The following PKD1L1 variants were observed in gnomAD, a reference collection of about 807,000 sequenced individuals.
PKD1L1 encodes polycystin 1 like 1, transient receptor potential channel interacting.
Under a neutral mutation model 323.4 loss-of-function variants are expected in PKD1L1, and 236 were observed. The ratio of observed to expected loss-of-function variants is 0.73; its 90% CI spans 0.66 to 0.81. The LOEUF is 0.81. PKD1L1 is among the 40% of genes least tolerant of loss of function. The probability of loss-of-function intolerance (pLI) is 0.00; values close to 1 mark genes in which losing one functional copy is unlikely to be tolerated. For synonymous variants in PKD1L1, 1,344 were observed against 1,335.0 expected, an observed-to-expected ratio of 1.01 and a Z score of -0.15; for missense variants, 3,320 against 3,508.0, an observed-to-expected ratio of 0.95 and a Z score of 1.35.
chr7:47,803,308 A>C lies in PKD1L1; in HGVS notation c.7864T>G (p.Phe2622Val). ...RWLRGILLFL[F>V]TLKCVYLPGI... is the part of the protein sequence containing the mutation. ...GGAAGATAGACGCATTTTAATGTGA[A>C]GAGGAATAAGAGGATTCCCCGGAGC... The change falls in exon 53 of 57, where the codon TTC becomes GTC. Residue 2622 changes from phenylalanine to valine, a missense_variant. Coordinates refer to ENST00000289672, the MANE Select transcript of PKD1L1 (RefSeq NM_138295.5). The C allele has an allele frequency of 6.2e-7, 1 of 1,614,140 alleles. No homozygotes were observed. Among genetic ancestry groups the C allele is most frequent in the Non-Finnish European group, 8.5e-7 (1 of 1,180,018 alleles).
rs774036379 is a variant in PKD1L1, at chr7:47,885,878, G to A, written c.3013C>T (p.Pro1005Ser). The A allele has an allele frequency of 1.9e-6, 3 of 1,614,198 alleles. No individual in the cohort carries two copies. Among genetic ancestry groups the A allele is most frequent in the South Asian group, 2.2e-5 (2 of 91,070 alleles). ...ATGGGCTCTGTGGGGGTTCCCCTTGGAGCTGAAGTGGCAGGTTGGCCAAGG... is the reference window on the plus strand; with the variant it reads ...ATGGGCTCTGTGGGGGTTCCCCTTGAAGCTGAAGTGGCAGGTTGGCCAAGG... ...VTLGQPATSA[P>S]RGTPTEPMTG... is the part of the protein sequence containing the mutation. The change falls in exon 18 of 57, where the codon CCA becomes TCA. Residue 1005 changes from proline to serine, a missense_variant. Physicochemically the swap from Pro to Ser is moderately conservative, Grantham distance 74. Coordinates refer to ENST00000289672, the MANE Select transcript of PKD1L1 (RefSeq NM_138295.5).
At chr7:47,917,154 T>A (rs554621650) in intron 7 of PKD1L1, among the ~76,000 whole-genome samples, 4 of 151,966 alleles carry the variant, frequency 2.6e-5, no homozygotes, top group African/African-American at 4.8e-5. Flanking sequence ...CAGGAAACAA[T>A]GGACACACTT....
intron 26 of PKD1L1, among the ~76,000 whole-genome samples, chr7:47,861,920 C>T (rs1458935507): frequency 1.1e-4 from 14 of 129,928 alleles, no homozygotes; most frequent in Admixed American, 1.0e-3. Flanking sequence ...TTGGGCCAGG[C>T]GTGGTGGCTC....
At chr7:47,949,962 T>C (rs1019334729), upstream of PKD1L1, among the ~76,000 whole-genome samples, 5 of 152,218 alleles carry the variant, frequency 3.3e-5, no homozygotes, top group African/African-American at 9.6e-5. Flanking sequence ...CTTCTCACAC[T>C]GCCTTGTCAG....
chr7:47,830,323 A>G (rs553040951), intron 42 of PKD1L1, among the ~76,000 whole-genome samples, 199 bp from the exon 43 acceptor site: 48 of 152,356 alleles, frequency 3.2e-4, no homozygotes, highest in Non-Finnish European at 5.1e-4. Context: ...CCAAGAGGAC[A>G]TCGACCTCCC....
chr7:47,893,075 C>CA (rs111518803), intron 15 of PKD1L1, among the ~76,000 whole-genome samples: 6,291 of 151,570 alleles, frequency 0.042, 302 homozygotes, highest in African/African-American at 0.12. Context: ...ACTAAAAATA[C>CA]AAAAAATAGC....
intron 55 of PKD1L1, among the ~76,000 whole-genome samples, chr7:47,793,608 C>G (rs1172651581): frequency 6.6e-6 from 1 of 152,148 alleles, no homozygotes; most frequent in Non-Finnish European, 1.5e-5. Flanking sequence ...ATATCTTTAT[C>G]AGCAGCTTGA....
Position 47,931,051 on chromosome 7 carries a change from C to T in PKD1L1, c.737+53G>A. 3 of 1,557,550 alleles carry T rather than the reference C, an allele frequency of 1.9e-6. No homozygotes were observed. In the South Asian group the frequency reaches 3.5e-5, roughly 18 times the overall value. ...ACTAACGGATTGGGCATGGATGGTT[C>T]CAGACTGGGGATTGGAGAAGTGGTG... On this transcript the variant is annotated intron_variant, in intron 6 of 56. Transcript: ENST00000289672.
intron 45 of PKD1L1, among the ~76,000 whole-genome samples, chr7:47,824,850 C>T (rs901912031): frequency 1.6e-4 from 25 of 152,182 alleles, no homozygotes; most frequent in African/African-American, 6.0e-4. Flanking sequence ...TCCAGCAAGA[C>T]GTGTGGGTTC....
intron 21 of PKD1L1, among the ~76,000 whole-genome samples, chr7:47,880,284 A>ATTTTTTTTTTTTTTT: frequency 9.5e-4 from 54 of 56,766 alleles, no homozygotes; most frequent in Non-Finnish European, 1.3e-3. Flanking sequence ...ATATATATAT[A>ATTTTTTTTTTTTTTT]TTTTTTTTTT....
chr7:47,959,776 CCCCGTCCGGGAGGTGAGGGGCGCCTCTG>C, the PKD1L1 span, among the ~76,000 whole-genome samples: 2 of 149,090 alleles, frequency 1.3e-5, no homozygotes, highest in African/African-American at 4.9e-5. Context: ...CGGCCAGCCG[CCCCGTCCGGGAGGTGAGGGGCGCCTCTG>C]CCCGGCCGCC....
chr7:47,792,835 G>A, intron 55 of PKD1L1, 38 bp from the exon 56 acceptor site: 2 of 1,549,942 alleles, frequency 1.3e-6, no homozygotes, highest in South Asian at 2.3e-5. Context: ...ATGCATTCAA[G>A]AATCTCATTA....
chr7:47,834,960 C>T lies in PKD1L1; in HGVS notation c.6127+7G>A. 1.2e-6 allele frequency: 2 copies of T among 1,612,734 alleles called. No individual in the cohort carries two copies. The highest frequency in any genetic ancestry group is 1.7e-6 in the Non-Finnish European group (2 of 1,179,002). On this transcript the variant is annotated splice_region_variant and intron_variant, in intron 39 of 56. Transcript: ENST00000289672. ...GAGAGTTTCTGAGAGTTTTAATGTA[C>T]ATTTACCATGGGGTGCCTCGGTCTG...
At chr7:47,813,470 G>A (rs1199217750) in intron 48 of PKD1L1, 177 bp from the exon 49 acceptor site, 1 of 756,932 alleles carries the variant, frequency 1.3e-6, no homozygotes, top group Non-Finnish European at 2.3e-6. Flanking sequence ...TCTAGCTCAA[G>A]CTACAGGATC....
intron 7 of PKD1L1, among the ~76,000 whole-genome samples, chr7:47,926,554 T>C (rs1787659611): frequency 6.6e-6 from 1 of 152,182 alleles, no homozygotes; most frequent in Non-Finnish European, 1.5e-5. Context: ...TCAGAATAAA[T>C]CTATTCAAAA....
At chr7:47,800,511 A>G (rs1026013206) in intron 54 of PKD1L1, 138 bp downstream of exon 54, 1 of 860,792 alleles carries the variant, frequency 1.2e-6, no homozygotes, top group African/African-American at 1.7e-5. Context: ...AGGGCAGGTG[A>G]GCTGGACGGC....
At chr7:47,872,885 T>C (rs988444427) in intron 24 of PKD1L1, among the ~76,000 whole-genome samples, 2 of 152,188 alleles carry the variant, frequency 1.3e-5, no homozygotes, top group African/African-American at 2.4e-5. Context: ...GTGTGATTCA[T>C]TATAGCCAAA....
chr7:47,849,133 T>G (rs1360774752), intron 31 of PKD1L1, among the ~76,000 whole-genome samples: 1 of 152,198 alleles, frequency 6.6e-6, no homozygotes, highest in Non-Finnish European at 1.5e-5. Context: ...GCTGGGATAA[T>G]TGGCTAGCCA....
intron 46 of PKD1L1, chr7:47,819,563 T>C (rs2128731957): frequency 7.3e-7 from 1 of 1,364,342 alleles, no homozygotes; most frequent in South Asian, 1.1e-5. Flanking sequence ...GAAAAGTTGG[T>C]CATGGATGGA....
Sources: allele counts gnomAD v4.1 joint callset (sites outside exome capture counted in the v4.1 genomes callset), GRCh38; gene constraint gnomAD v4.1.1; transcripts MANE v1.5; gene names NCBI Gene and HGNC (gene_info 2026-07-23, HGNC 2026-07-21).